The following KLHL28 variants were observed in gnomAD, a reference collection of about 807,000 sequenced individuals.
KLHL28 encodes the protein kelch like family member 28.
In KLHL28, 22 loss-of-function variants were observed where a neutral mutation model predicts 48.3. That is an observed-to-expected ratio of 0.46 (90% CI 0.33 to 0.65). The LOEUF is 0.65. Among genes scored for constraint, KLHL28 ranks in the 30% least tolerant of loss-of-function variants. The pLI, the probability that KLHL28 is intolerant of heterozygous loss-of-function variation, is 0.03. For synonymous variants in KLHL28, 243 were observed against 242.4 expected, an observed-to-expected ratio of 1.00 and a Z score of -0.02; for missense variants, 527 against 704.3, an observed-to-expected ratio of 0.75 and a Z score of 2.85.
chr14:44,935,767 T>C (rs1035371776), intron 2 of KLHL28, among the ~76,000 whole-genome samples: 3 of 150,630 alleles, frequency 2.0e-5, no homozygotes, highest in Non-Finnish European at 4.4e-5. Flanking sequence ...TTCAGAAGTA[T>C]TGTTAATAGT....
intron 1 of KLHL28, among the ~76,000 whole-genome samples, chr14:44,948,334 T>C (rs1884425631): frequency 6.6e-6 from 1 of 152,032 alleles, no homozygotes; most frequent in South Asian, 2.1e-4. Flanking sequence ...TGTACTACAG[T>C]AGTACTATGG....
At chr14:44,932,544 G>GT (rs1210725393) in intron 3 of KLHL28, among the ~76,000 whole-genome samples, 1 of 152,090 alleles carries the variant, frequency 6.6e-6, no homozygotes, top group Non-Finnish European at 1.5e-5. Flanking sequence ...AGGCACAGAG[G>GT]TAAGATTGTT....
intron 4 of KLHL28, 36 bp downstream of exon 4, chr14:44,931,297 G>A (rs1416306434): frequency 2.2e-6 from 3 of 1,333,758 alleles, no homozygotes; most frequent in Middle Eastern, 1.9e-4. Context: ...AGAAAACATT[G>A]CCTTACATGT....
intron 2 of KLHL28, among the ~76,000 whole-genome samples, chr14:44,938,028 ATAGAATTTTGCCCCTGGCCC>A (rs1883899927): frequency 6.6e-6 from 1 of 152,198 alleles, no homozygotes; most frequent in African/African-American, 2.4e-5. Flanking sequence ...CTTTCAAACC[ATAGAATTTTGCCCCTGGCCC>A]TCAAAATTCG....
chr14:44,939,469 AT>A (rs1883979672), intron 2 of KLHL28, among the ~76,000 whole-genome samples: 1 of 152,164 alleles, frequency 6.6e-6, no homozygotes, highest in Non-Finnish European at 1.5e-5. Context: ...TCCGCTTACC[AT>A]TTAATTATAA....
chr14:44,944,908 C>A, intron 2 of KLHL28, 122 bp downstream of exon 2: 23 of 722,638 alleles, frequency 3.2e-5, no homozygotes, highest in South Asian at 1.0e-4. Flanking sequence ...AGAAAAAAAA[C>A]TAAAAAGAAG....
chr14:44,951,746 T>C (rs890236549), intron 1 of KLHL28, among the ~76,000 whole-genome samples: 7 of 152,222 alleles, frequency 4.6e-5, no homozygotes, highest in African/African-American at 1.7e-4. Flanking sequence ...ATAGTTTGAA[T>C]GCTTAATCAA....
intron 3 of KLHL28, 77 bp from the exon 4 acceptor site, chr14:44,931,618 T>C: frequency 9.4e-7 from 1 of 1,058,576 alleles, no homozygotes; most frequent in East Asian, 2.5e-5. Context: ...TAAAACCCAC[T>C]ACAGCTTTAA....
intron 4 of KLHL28, among the ~76,000 whole-genome samples, chr14:44,931,040 A>G (rs1320925388): frequency 6.6e-6 from 1 of 152,230 alleles, no homozygotes; most frequent in East Asian, 1.9e-4. Context: ...CATTTGTTAC[A>G]TGGACAAAAG....
At chr14:44,930,843 T>C (rs1173236457) in intron 4 of KLHL28, among the ~76,000 whole-genome samples, 2 of 152,156 alleles carry the variant, frequency 1.3e-5, no homozygotes, top group Admixed American at 1.3e-4. Flanking sequence ...AAGATAACAA[T>C]TTTTCCTAAA....
chr14:44,928,802 A>AG lies in KLHL28; in HGVS notation c.*225_*226insC. ...GCAGAATTCAATTGGCAAAGTCTTT[A>AG]CTTTTTTTTTTTCTCTTTTTTCTTT... is the stretch of plus-strand genomic sequence containing the variant. On this transcript the variant is annotated 3_prime_UTR_variant, in exon 5 of 5. Coordinates refer to ENST00000396128, the MANE Select transcript of KLHL28 (RefSeq NM_017658.5). 2.7e-6 allele frequency: 1 copy of AG among 365,134 alleles called. No individual in the cohort carries two copies. 22.6% of individuals were successfully genotyped at this position (365,134 alleles called of 1,614,324 possible). A position where few individuals can be genotyped will look rare whatever the true frequency, so the allele number is the denominator to read the frequency against.
chr14:44,949,299 A>G (rs911738856), intron 1 of KLHL28, among the ~76,000 whole-genome samples: 5 of 152,152 alleles, frequency 3.3e-5, no homozygotes, highest in Admixed American at 6.5e-5. Context: ...GGATTAGGAT[A>G]TATGAGCTAA....
chr14:44,934,765 G>A (rs1258058896), intron 2 of KLHL28, among the ~76,000 whole-genome samples: 1 of 152,184 alleles, frequency 6.6e-6, no homozygotes, highest in Non-Finnish European at 1.5e-5. Flanking sequence ...GTTGGTGAGA[G>A]TGTAAACTTG....
chr14:44,934,685 C>T lies in KLHL28; in HGVS notation c.900-127G>A, dbSNP rs1286311474. ...GCACAATAAACCATGACACACCTTC[C>T]AAAGTGGCAAAAAATATAAAGTCAG... On this transcript the variant is annotated intron_variant, in intron 2 of 4. Coordinates refer to ENST00000396128, the MANE Select transcript of KLHL28 (RefSeq NM_017658.5). 1.1e-5 allele frequency: 7 copies of T among 645,882 alleles called. No individual in the cohort carries two copies. In the East Asian group the frequency reaches 1.8e-4, roughly 16 times the overall value. The allele number at this position is 645,882 out of a possible 1,614,324, so 40.0% of individuals were successfully genotyped here. A position where few individuals can be genotyped will look rare whatever the true frequency, so the allele number is the denominator to read the frequency against.
Position 44,945,246 on chromosome 14 carries a change from A to G in KLHL28, c.683T>C (p.Leu228Ser). ...AQLLNSVRLPLLSVKFLTRLY... is the reference protein window; with the variant it reads ...AQLLNSVRLPSLSVKFLTRLY... ...TCTAGTGAGAAACTTAACACTCAAC[A>G]ATGGTAATCGTACACTGTTTAGTAA... The change falls in exon 2 of 5, where the codon TTG becomes TCG. Residue 228 changes from leucine to serine, a missense_variant. By Grantham distance (145) the Leu-to-Ser change is moderately radical. Transcript: ENST00000396128. 1 of 1,614,148 alleles carries G rather than the reference A, an allele frequency of 6.2e-7. No homozygotes were observed. Among genetic ancestry groups the G allele is most frequent in the Non-Finnish European group, 8.5e-7 (1 of 1,179,988 alleles).
At chr14:44,960,397 T>C (rs1047030631) in intron 1 of KLHL28, among the ~76,000 whole-genome samples, 9 of 152,232 alleles carry the variant, frequency 5.9e-5, no homozygotes, top group Non-Finnish European at 1.0e-4. Context: ...TGTACATCAT[T>C]GTCTAGGTTA....
intron 4 of KLHL28, among the ~76,000 whole-genome samples, chr14:44,929,467 ATT>A (rs1383093366): frequency 6.6e-6 from 1 of 152,122 alleles, no homozygotes; most frequent in Non-Finnish European, 1.5e-5. Flanking sequence ...ATTACAATAT[ATT>A]GTTACAATTG....
intron 3 of KLHL28, among the ~76,000 whole-genome samples, chr14:44,933,536 C>T (rs1484696351): frequency 1.3e-5 from 2 of 152,100 alleles, no homozygotes; most frequent in African/African-American, 4.8e-5. Flanking sequence ...ATTAATTTCT[C>T]ATATAACTAG....
chr14:44,943,297 T>A (rs1884179502), intron 2 of KLHL28, among the ~76,000 whole-genome samples: 1 of 152,244 alleles, frequency 6.6e-6, no homozygotes, highest in South Asian at 2.1e-4. Context: ...TCAATTCGTG[T>A]AGCTAACATA....
Sources: allele counts gnomAD v4.1 joint callset (sites outside exome capture counted in the v4.1 genomes callset), GRCh38; gene constraint gnomAD v4.1.1; transcripts MANE v1.5; gene names NCBI Gene and HGNC (gene_info 2026-07-23, HGNC 2026-07-21).